Variants in ITPR1 observed in about 807,000 individuals in gnomAD.
ITPR1 encodes inositol 1,4,5-trisphosphate receptor type 1.
In ITPR1, 96 loss-of-function variants were observed where a neutral mutation model predicts 318.4. That is an observed-to-expected ratio of 0.30 (90% confidence interval 0.26 to 0.36). The LOEUF is 0.36. Among genes scored for constraint, ITPR1 ranks in the 10% least tolerant of loss-of-function variants. The probability of loss-of-function intolerance (pLI) is 1.00; values close to 1 mark genes in which losing one functional copy is unlikely to be tolerated. For synonymous variants in ITPR1, 1,312 were observed against 1,289.9 expected, an observed-to-expected ratio of 1.02 and a Z score of -0.37; for missense variants, 2,440 against 3,460.2, an observed-to-expected ratio of 0.71 and a Z score of 7.40.
chr3:4,617,288 A>T (rs1361733528), intron 4 of ITPR1, among the ~76,000 whole-genome samples: 1 of 152,100 alleles, frequency 6.6e-6, no homozygotes, highest in African/African-American at 2.4e-5. Flanking sequence ...TTGTTGGCTC[A>T]CAGTTCTGGA....
At chr3:4,833,297 A>G (rs905083114) in intron 60 of ITPR1, among the ~76,000 whole-genome samples, 1 of 152,184 alleles carries the variant, frequency 6.6e-6, no homozygotes, top group Non-Finnish European at 1.5e-5. Flanking sequence ...GGAATGAGGG[A>G]GAGAAACTGT....
rs1355577758 is a variant in ITPR1, at chr3:4,665,243, C to T, written c.1660C>T (p.Arg554Trp). 2 of 1,613,892 alleles carry T rather than the reference C, an allele frequency of 1.2e-6. No individual in the cohort carries two copies. Among genetic ancestry groups the T allele is most frequent in the Non-Finnish European group, 1.7e-6 (2 of 1,179,880 alleles). ...QRHAPFRHIC[R>W]LCYRVLRHSQ... ...GCACGCTCCTTTCAGACACATCTGC[C>T]GGCTCTGCTACAGGGTGCTGAGACA... The change falls in exon 17 of 62, where the codon CGG becomes TGG. Residue 554 changes from arginine to tryptophan, a missense_variant. This residue lies in a region of ITPR1 where 478 missense variants were observed against 696.3 expected (regional missense o/e 0.69). Transcript: ENST00000649015.
intron 44 of ITPR1, among the ~76,000 whole-genome samples, chr3:4,766,144 G>A (rs2045802570): frequency 6.6e-6 from 1 of 152,180 alleles, no homozygotes; most frequent in South Asian, 2.1e-4. Context: ...GTGCATAGAA[G>A]CCCTTAAACA....
chr3:4,573,498 T>C (rs1046145550), intron 4 of ITPR1, among the ~76,000 whole-genome samples: 4 of 152,218 alleles, frequency 2.6e-5, no homozygotes. Flanking sequence ...GAATATAAGC[T>C]ACATATTGTC....
At chr3:4,664,820 A>G (rs2093912231) in intron 16 of ITPR1, among the ~76,000 whole-genome samples, 1 of 152,196 alleles carries the variant, frequency 6.6e-6, no homozygotes, top group African/African-American at 2.4e-5. Flanking sequence ...TTTGACTGTA[A>G]TCTGTACTGC....
intron 44 of ITPR1, among the ~76,000 whole-genome samples, chr3:4,755,439 A>G (rs868251016): frequency 1.1e-4 from 16 of 147,216 alleles, no homozygotes; most frequent in Middle Eastern, 3.5e-3. Flanking sequence ...GGGTCTTGCT[A>G]TGTTGCCCAG....
intron 19 of ITPR1, 38 bp downstream of exon 19, chr3:4,669,811 G>A (rs1377141413): frequency 1.3e-6 from 2 of 1,571,696 alleles, no homozygotes; most frequent in Non-Finnish European, 1.7e-6. Context: ...AAAACATGGG[G>A]TTCATTCAGT....
intron 4 of ITPR1, among the ~76,000 whole-genome samples, chr3:4,578,539 G>A (rs1448140861): frequency 6.6e-6 from 1 of 152,044 alleles, no homozygotes; most frequent in African/African-American, 2.4e-5. Flanking sequence ...GAGAATTGTG[G>A]AGCTCATAAT....
chr3:4,676,346 A>G (rs1199126587), intron 23 of ITPR1, among the ~76,000 whole-genome samples: 1 of 152,058 alleles, frequency 6.6e-6, no homozygotes, highest in Non-Finnish European at 1.5e-5. Flanking sequence ...TCCTGTCTCT[A>G]AAGAAAATTA....
chr3:4,779,714 G>C lies in ITPR1; in HGVS notation c.6387+69G>C. On this transcript the variant is annotated intron_variant, in intron 49 of 61. Coordinates refer to ENST00000649015, the MANE Select transcript of ITPR1 (RefSeq NM_001378452.1). This position sits in a 1 kb window ranked among gnomAD's most constrained non-coding sequence, Gnocchi z 4.0. ...CGACGATATTTGGGACAGAGCAGAG[G>C]ATCTGCTTCCTGGAGCTTTCTTGAA... 1.4e-5 allele frequency: 15 copies of C among 1,089,314 alleles called. No individual in the cohort carries two copies. Among genetic ancestry groups the C allele is most frequent in the Middle Eastern group, 2.0e-4 (1 of 4,890 alleles). The allele number at this position is 1,089,314 out of a possible 1,614,324, so 67.5% of individuals were successfully genotyped here. A position where few individuals can be genotyped will look rare whatever the true frequency, so the allele number is the denominator to read the frequency against.
At chr3:4,573,703 C>T (rs1241148089) in intron 4 of ITPR1, among the ~76,000 whole-genome samples, 1 of 152,222 alleles carries the variant, frequency 6.6e-6, no homozygotes, top group African/African-American at 2.4e-5. Context: ...GATGTTTCCT[C>T]CACCTGGGTG....
chr3:4,660,949 ATATT>A, intron 13 of ITPR1, 35 bp from the exon 14 acceptor site: 3 of 1,072,610 alleles, frequency 2.8e-6, no homozygotes, highest in Non-Finnish European at 4.2e-6. Context: ...GTAAACCTCA[ATATT>A]TATTTCCCTA....
At chr3:4,562,441 A>T (rs545553818) in intron 4 of ITPR1, among the ~76,000 whole-genome samples, 1 of 152,130 alleles carries the variant, frequency 6.6e-6, no homozygotes, top group Non-Finnish European at 1.5e-5. Context: ...TATTTTACTG[A>T]TAGTATGTGC....
chr3:4,706,081 C>A, intron 36 of ITPR1, 86 bp from the exon 37 acceptor site: 1 of 1,441,850 alleles, frequency 6.9e-7, no homozygotes, highest in South Asian at 1.2e-5. Flanking sequence ...GAAAAACCTG[C>A]TGGATGGGGA....
chr3:4,744,952 C>G (rs958104008), intron 44 of ITPR1, among the ~76,000 whole-genome samples: 6 of 130,742 alleles, frequency 4.6e-5, no homozygotes, highest in African/African-American at 1.7e-4. Flanking sequence ...TTCCTTCCCT[C>G]CCTCCCTCCT....
intron 4 of ITPR1, among the ~76,000 whole-genome samples, chr3:4,590,145 T>G (rs1234511280): frequency 6.7e-6 from 1 of 148,934 alleles, no homozygotes; most frequent in Admixed American, 6.7e-5. Context: ...TCTAGCTGCT[T>G]CCCCCCTTTG....
rs1264347590 is a variant in ITPR1 at position 4,846,550 on chromosome 3, G to C, written c.*325G>C. Reference sequence around the variant, plus strand: ...GACATGTATTTTGTATTTAAAACTAGAATAGCCAGTATTTATGTTTTTTAT... The same window carrying C: ...GACATGTATTTTGTATTTAAAACTACAATAGCCAGTATTTATGTTTTTTAT... On this transcript the variant is annotated 3_prime_UTR_variant, in exon 62 of 62. Coordinates refer to ENST00000649015, the MANE Select transcript of ITPR1 (RefSeq NM_001378452.1). The C allele has an allele frequency of 5.3e-6, 1 of 189,352 alleles. No homozygotes were observed. Among genetic ancestry groups the C allele is most frequent in the Non-Finnish European group, 1.1e-5 (1 of 92,012 alleles). The allele number at this position is 189,352 out of a possible 1,614,324, so 11.7% of individuals were successfully genotyped here. A position where few individuals can be genotyped will look rare whatever the true frequency, so the allele number is the denominator to read the frequency against.
Position 4,736,141 on chromosome 3 carries a change from A to G in ITPR1, c.5544+787A>G, listed in dbSNP as rs564076616. On this transcript the variant is annotated intron_variant, in intron 44 of 61. Coordinates refer to ENST00000649015, the MANE Select transcript of ITPR1 (RefSeq NM_001378452.1). ...TCCTTCTTTGTTAGCTCTCTGAATA[A>G]GAGTTTTTTTTTTGGACGTGTATCT... Among the ~76,000 whole-genome samples, 17 of 111,464 alleles carry G rather than the reference A, an allele frequency of 1.5e-4. No homozygotes were observed. In the South Asian group the frequency reaches 7.2e-3, roughly 47 times the overall value. 73.1% of individuals were successfully genotyped at this position (111,464 alleles called of 152,430 possible).
At chr3:4,622,704 C>T (rs373093696) in intron 4 of ITPR1, among the ~76,000 whole-genome samples, 6 of 152,358 alleles carry the variant, frequency 3.9e-5, no homozygotes, top group East Asian at 1.9e-4. Flanking sequence ...TGAGCCACCG[C>T]ACCCGGCCTA....
Sources: gnomAD v4.1 joint callset for allele counts (sites outside exome capture counted in the v4.1 genomes callset) on GRCh38, gnomAD v4.1.1 for gene constraint, gnomAD v4.1.1 regional missense constraint, Gnocchi (gnomAD v3.1) non-coding constraint, MANE v1.5 for transcripts, NCBI Gene and HGNC (gene_info 2026-07-23, HGNC 2026-07-21) for gene names.